Variants in EML1 observed in about 807,000 individuals in gnomAD.
The protein encoded by EML1 is EMAP like 1, also known as echinoderm microtubule-associated protein-like 1.
Under a neutral mutation model 110.4 loss-of-function variants are expected in EML1, and 27 were observed. That is an observed-to-expected ratio of 0.24 (90% CI 0.18 to 0.34). EML1 has a LOEUF of 0.34. Among genes scored for constraint, EML1 ranks in the 10% least tolerant of loss-of-function variants. The pLI, the probability that EML1 is intolerant of heterozygous loss-of-function variation, is 1.00. For synonymous variants in EML1, 344 were observed against 385.8 expected, an observed-to-expected ratio of 0.89 and a Z score of 1.27; for missense variants, 741 against 1,030.9, an observed-to-expected ratio of 0.72 and a Z score of 3.85.
At chr14:99,863,581 T>C (rs903981858) in intron 2 of EML1, among the ~76,000 whole-genome samples, 7 of 152,228 alleles carry the variant, frequency 4.6e-5, no homozygotes, top group African/African-American at 1.7e-4. Context: ...TTTACTCAAA[T>C]GTCATATAAA....
At chr14:99,864,587 G>A (rs914162902) in intron 2 of EML1, among the ~76,000 whole-genome samples, 6 of 152,098 alleles carry the variant, frequency 3.9e-5, no homozygotes. Flanking sequence ...CGAGGCAGGC[G>A]GATCACCTGA....
At chr14:99,851,395 C>A in intron 2 of EML1, among the ~76,000 whole-genome samples, 1 of 152,102 alleles carries the variant, frequency 6.6e-6, no homozygotes, top group East Asian at 1.9e-4. Flanking sequence ...GCCAGCTCTG[C>A]CTCCTGGGTT....
intron 4 of EML1, among the ~76,000 whole-genome samples, chr14:99,884,584 C>G (rs2059443231): frequency 6.6e-6 from 1 of 152,144 alleles, no homozygotes; most frequent in South Asian, 2.1e-4. Context: ...TGCACAGGCG[C>G]TCACTGAGAA....
intron 1 of EML1, among the ~76,000 whole-genome samples, chr14:99,833,933 A>G (rs913676274): frequency 6.6e-6 from 1 of 152,208 alleles, no homozygotes; most frequent in African/African-American, 2.4e-5. Context: ...ATTTGTGAAC[A>G]AAGGCAGTTT....
chr14:99,815,884 C>T (rs982075010), intron 1 of EML1, among the ~76,000 whole-genome samples: 1 of 152,076 alleles, frequency 6.6e-6, no homozygotes, highest in South Asian at 2.1e-4. Flanking sequence ...AGGTAAAGGG[C>T]GGCTCCTGGA....
chr14:99,746,248 C>T (rs2057106754), intron 1 of EML1, among the ~76,000 whole-genome samples: 1 of 152,064 alleles, frequency 6.6e-6, no homozygotes, highest in Non-Finnish European at 1.5e-5. Context: ...AACCTGGGGT[C>T]ACCCACCTCA....
At chr14:99,819,363 G>T (rs2058222822) in intron 1 of EML1, among the ~76,000 whole-genome samples, 1 of 152,180 alleles carries the variant, frequency 6.6e-6, no homozygotes, top group South Asian at 2.1e-4. Context: ...GTCTGTAAAG[G>T]ATGGTAAAAA....
chr14:99,816,833 G>A (rs755650668), intron 1 of EML1, among the ~76,000 whole-genome samples: 1 of 152,230 alleles, frequency 6.6e-6, no homozygotes, highest in African/African-American at 2.4e-5. Context: ...ACTTTGGCAC[G>A]TAGGTTAGCA....
intron 1 of EML1, among the ~76,000 whole-genome samples, chr14:99,819,621 C>T (rs1044488195): frequency 2.0e-5 from 3 of 152,158 alleles, no homozygotes; most frequent in Non-Finnish European, 4.4e-5. Context: ...CTTGGCCCTG[C>T]GGTGACGGGA....
At chr14:99,788,945 C>T (rs555617964), upstream of EML1, among the ~76,000 whole-genome samples, 3 of 152,200 alleles carry the variant, frequency 2.0e-5, no homozygotes, top group Admixed American at 6.5e-5. Flanking sequence ...GTTTATTTCA[C>T]GCTGCATAAT....
chr14:99,827,757 G>C lies in EML1; in HGVS notation c.68-23096G>C, dbSNP rs529403482. Among the ~76,000 whole-genome samples the C allele has an allele frequency of 6.6e-6, 1 of 152,264 alleles. No homozygotes were observed. The highest frequency in any genetic ancestry group is 1.9e-4 in the East Asian group (1 of 5,180). On this transcript the variant is annotated intron_variant, in intron 1 of 21. Coordinates refer to ENST00000262233, the MANE Select transcript of EML1 (RefSeq NM_004434.3). The surrounding 1 kb of genome is among the most constrained non-coding windows in gnomAD (Gnocchi z 4.4). ...ACCTTGATCTCAGGAAGCTAAACTT[G>C]ATCTCAGATGTCCAGCCTCCAGGAT... is the stretch of plus-strand genomic sequence containing the variant.
chr14:99,841,671 G>A (rs978257948), intron 1 of EML1, among the ~76,000 whole-genome samples: 3 of 152,198 alleles, frequency 2.0e-5, no homozygotes, highest in Admixed American at 2.0e-4. Flanking sequence ...GGCAGAGGCT[G>A]CAGAGTGGCT....
chr14:99,931,846 G>A (rs2060374656), intron 17 of EML1, among the ~76,000 whole-genome samples: 3 of 152,324 alleles, frequency 2.0e-5, no homozygotes, highest in South Asian at 2.1e-4. Flanking sequence ...CTGCCTCGAA[G>A]GCCACATTCT....
chr14:99,793,843 G>T (rs1050562521), intron 1 of EML1, among the ~76,000 whole-genome samples: 1 of 150,734 alleles, frequency 6.6e-6, no homozygotes, highest in African/African-American at 2.4e-5. Flanking sequence ...GAGGCGCGTG[G>T]GGCACAGGGC....
At position 99,892,086 on chromosome 14, in the gene EML1, C is replaced by T. The variant is rs111348177; in HGVS notation, c.547+859C>T. 8,185 of 972,970 alleles carry T rather than the reference C, an allele frequency of 8.4e-3. 37 individuals carry two copies. The highest frequency in any genetic ancestry group is 9.4e-3 in the Non-Finnish European group (7,699 of 818,694). The allele number at this position is 972,970 out of a possible 1,614,324, so 60.3% of individuals were successfully genotyped here. On this transcript the variant is annotated intron_variant, in intron 5 of 21. Transcript: ENST00000262233. Reference sequence around the variant, plus strand: ...TGCGGGCTAGTGAGGGCTCCGGGCTCCGGGGCAGGCAGGCCAGCCACACTT... The same window carrying T: ...TGCGGGCTAGTGAGGGCTCCGGGCTTCGGGGCAGGCAGGCCAGCCACACTT...
chr14:99,752,714 A>G lies in EML1; in HGVS notation c.28+14854A>G, dbSNP rs910900844. On this transcript the variant is annotated intron_variant, in intron 1 of 10. Coordinates refer to the EML1 transcript ENST00000554479. ...GGTAAACCACAGCTTTCAGGGGCCAATGGTCTTCCTGTGTGGCTTCCCAGC... is the reference window on the plus strand; with the variant it reads ...GGTAAACCACAGCTTTCAGGGGCCAGTGGTCTTCCTGTGTGGCTTCCCAGC... Among the ~76,000 whole-genome samples the G allele has an allele frequency of 3.3e-5, 5 of 152,190 alleles. 1 individual carries two copies. Among genetic ancestry groups the G allele is most frequent in the Admixed American group, 1.3e-4 (2 of 15,284 alleles).
intron 3 of EML1, among the ~76,000 whole-genome samples, chr14:99,869,355 C>T (rs937270884): frequency 3.9e-5 from 6 of 152,068 alleles, no homozygotes; most frequent in African/African-American, 1.4e-4. Context: ...TGTTTTGGGG[C>T]ACCAAAAACA....
At chr14:99,846,894 G>C (rs552187260) in intron 1 of EML1, among the ~76,000 whole-genome samples, 1 of 152,262 alleles carries the variant, frequency 6.6e-6, no homozygotes, top group South Asian at 2.1e-4. Flanking sequence ...GAGGGGCAGA[G>C]TAGTGAACCA....
intron 19 of EML1, among the ~76,000 whole-genome samples, chr14:99,937,077 C>T (rs1307198312): frequency 6.6e-6 from 1 of 152,200 alleles, no homozygotes; most frequent in East Asian, 1.9e-4. Flanking sequence ...GCTCAGAGCC[C>T]AAAACACAGG....
Sources: gnomAD v4.1 joint callset for allele counts (sites outside exome capture counted in the v4.1 genomes callset) on GRCh38, gnomAD v4.1.1 for gene constraint, Gnocchi (gnomAD v3.1) non-coding constraint, MANE v1.5 for transcripts, NCBI Gene and HGNC (gene_info 2026-07-23, HGNC 2026-07-21) for gene names.